Variants in TENM1 observed in about 807,000 individuals in gnomAD.
TENM1 encodes teneurin transmembrane protein 1, also known as teneurin-1.
A neutral mutation model predicts 174.8 loss-of-function variants in TENM1; 35 were observed. That is an observed-to-expected ratio of 0.20 (90% CI 0.15 to 0.27). The LOEUF is 0.27. Among genes scored for constraint, TENM1 ranks in the 10% least tolerant of loss-of-function variants. The pLI, the probability that TENM1 is intolerant of heterozygous loss-of-function variation, is 1.00. For missense variants in TENM1, 1,633 were observed against 2,130.1 expected, an observed-to-expected ratio of 0.77 and a Z score of 4.59; for synonymous variants, 781 against 798.7, an observed-to-expected ratio of 0.98 and a Z score of 0.37.
chrX:124,503,141 C>T (rs1244062803), intron 19 of TENM1, among the ~76,000 whole-genome samples: 1 of 111,400 alleles, frequency 9.0e-6, no homozygotes, highest in Non-Finnish European at 1.9e-5. Flanking sequence ...TCACAGTAGA[C>T]GCTCAGAGGA....
chrX:124,531,763 C>T (rs2048112134), intron 15 of TENM1, among the ~76,000 whole-genome samples: 1 of 112,254 alleles, frequency 8.9e-6, no homozygotes, highest in Non-Finnish European at 1.9e-5. Context: ...CCCATTTGTT[C>T]TAATAGAGAA....
chrX:125,168,991 T>A, the TENM1 span, among the ~76,000 whole-genome samples: 1 of 110,568 alleles, frequency 9.0e-6, no homozygotes. Context: ...TGTGTGTGTG[T>A]GGGTGTGTGT....
chrX:124,586,559 T>A (rs1457192602), intron 11 of TENM1, among the ~76,000 whole-genome samples: 2 of 110,840 alleles, frequency 1.8e-5, no homozygotes, highest in Admixed American at 1.9e-4. Flanking sequence ...GAGCTATCTA[T>A]GACAAACCCA....
At chrX:124,976,379 T>A in the TENM1 span, among the ~76,000 whole-genome samples, 1 of 111,682 alleles carries the variant, frequency 9.0e-6, no homozygotes, top group Non-Finnish European at 1.9e-5. Context: ...CCAGAGCCTG[T>A]ACTCTTAATT....
chrX:124,456,546 C>T (rs1005116814), intron 22 of TENM1, among the ~76,000 whole-genome samples: 1 of 111,647 alleles, frequency 9.0e-6, no homozygotes, highest in African/African-American at 3.3e-5. Context: ...AAACCCCAGG[C>T]ATGAAAAAGA....
the TENM1 span, among the ~76,000 whole-genome samples, chrX:125,048,986 T>C: frequency 2.7e-5 from 3 of 112,045 alleles, no homozygotes; most frequent in Non-Finnish European, 1.9e-5. Context: ...ATAATTGTTG[T>C]GAACATTAAA....
chrX:124,544,710 G>A (rs973715645), intron 15 of TENM1, among the ~76,000 whole-genome samples: 5 of 111,767 alleles, frequency 4.5e-5, no homozygotes, highest in East Asian at 2.8e-4. Context: ...TTTGGTTCAC[G>A]TCACCAGGCT....
At chrX:124,786,391 G>A (rs775635632) in intron 3 of TENM1, among the ~76,000 whole-genome samples, 3 of 111,601 alleles carry the variant, frequency 2.7e-5, no homozygotes, top group Admixed American at 9.6e-5. Context: ...GTAGTAAATC[G>A]TTTCACAAAA....
the TENM1 span, among the ~76,000 whole-genome samples, chrX:125,146,595 T>C: frequency 9.0e-6 from 1 of 111,542 alleles, no homozygotes; most frequent in Admixed American, 9.6e-5. Flanking sequence ...ATAGAGAGAA[T>C]TAAGGGTACA....
chrX:124,697,370 C>G (rs1276549209), intron 5 of TENM1, among the ~76,000 whole-genome samples: 1 of 111,291 alleles, frequency 9.0e-6, no homozygotes, highest in African/African-American at 3.3e-5. Flanking sequence ...AGAAGTTACA[C>G]TGTAATCTGA....
chrX:124,556,920 T>C (rs974512044), intron 14 of TENM1, among the ~76,000 whole-genome samples: 2 of 112,099 alleles, frequency 1.8e-5, no homozygotes, highest in African/African-American at 3.2e-5. Context: ...ATTTAATATC[T>C]ACCTGCCTTG....
In TENM1 at chrX:124,849,022, G is replaced by A. The variant is rs182829658; in HGVS notation, c.535+45274C>T. Among the ~76,000 whole-genome samples the A allele has an allele frequency of 3.4e-3, 372 of 111,006 alleles. 1 individual carries two copies. The highest frequency in any genetic ancestry group is 0.011 in the African/African-American group (345 of 30,676). On this transcript the variant is annotated intron_variant, in intron 3 of 31. Transcript: ENST00000422452. ...AAGAATATAATCATGTGTTACTTAC[G>A]TAATTAATATTTTTAAAGTAAAATT...
intron 3 of TENM1, among the ~76,000 whole-genome samples, chrX:124,848,580 T>C (rs765960662): frequency 6.3e-5 from 7 of 111,539 alleles, no homozygotes; most frequent in Non-Finnish European, 9.4e-5. Context: ...TAAATGTGTA[T>C]ACCCTTTGAC....
At chrX:124,795,750 G>T (rs908849290) in intron 3 of TENM1, among the ~76,000 whole-genome samples, 2 of 109,648 alleles carry the variant, frequency 1.8e-5, no homozygotes, top group Non-Finnish European at 3.8e-5. Flanking sequence ...TGAGTATTCA[G>T]TATGTAATGT....
intron 22 of TENM1, among the ~76,000 whole-genome samples, chrX:124,472,398 T>TC (rs2061345688): frequency 9.7e-6 from 1 of 103,016 alleles, no homozygotes; most frequent in Admixed American, 1.1e-4. Context: ...TTTTTTTTTT[T>TC]CCCAACAAAA....
chrX:124,916,453 G>A (rs1318477782), intron 1 of TENM1, among the ~76,000 whole-genome samples: 1 of 111,124 alleles, frequency 9.0e-6, no homozygotes, highest in African/African-American at 3.3e-5. Context: ...GACCACAGGT[G>A]TACATCACTA....
intron 9 of TENM1, among the ~76,000 whole-genome samples, chrX:124,645,548 A>G (rs1180825078): frequency 8.9e-6 from 1 of 111,891 alleles, no homozygotes; most frequent in Admixed American, 9.5e-5. Flanking sequence ...GAGTGGAGAA[A>G]TTATTTCAAG....
intron 3 of TENM1, among the ~76,000 whole-genome samples, chrX:124,831,789 CA>C (rs1157110659): frequency 2.9e-4 from 30 of 102,528 alleles, no homozygotes; most frequent in African/African-American, 6.7e-4. Context: ...ATAGTGTGGA[CA>C]AAAAAAAAAG....
At chrX:124,712,224 G>A (rs2053070122) in intron 4 of TENM1, among the ~76,000 whole-genome samples, 1 of 111,500 alleles carries the variant, frequency 9.0e-6, no homozygotes, top group Admixed American at 9.5e-5. Flanking sequence ...TAGGATTGCT[G>A]GATCATACAG....
Sources: allele counts gnomAD v4.1 joint callset (sites outside exome capture counted in the v4.1 genomes callset), GRCh38; gene constraint gnomAD v4.1.1; transcripts MANE v1.5; gene names NCBI Gene and HGNC (gene_info 2026-07-23, HGNC 2026-07-21).